Variants in SLC15A1 observed in about 807,000 individuals in gnomAD.
The protein encoded by SLC15A1 is solute carrier family 15 member 1.
A neutral mutation model predicts 92.9 loss-of-function variants in SLC15A1; 83 were observed. The observed-to-expected ratio is 0.89, with a 90% CI of 0.75 to 1.07. The LOEUF (loss-of-function observed/expected upper bound fraction) is 1.07. Ranked by LOEUF, SLC15A1 falls within the 50% of genes least tolerant of loss-of-function variation. SLC15A1 has a pLI of 0.00. For synonymous variants in SLC15A1, 322 were observed against 318.2 expected, an observed-to-expected ratio of 1.01 and a Z score of -0.13; for missense variants, 857 against 880.1, an observed-to-expected ratio of 0.97 and a Z score of 0.33.
At chr13:98,728,889 G>A (rs1438813520) in intron 1 of SLC15A1, among the ~76,000 whole-genome samples, 2 of 145,046 alleles carry the variant, frequency 1.4e-5, no homozygotes, top group Non-Finnish European at 3.0e-5. Context: ...GCTGAGGCAG[G>A]AGAATTGCTA....
chr13:98,701,931 T>G (rs546367903), intron 18 of SLC15A1, among the ~76,000 whole-genome samples: 4 of 152,196 alleles, frequency 2.6e-5, no homozygotes, highest in African/African-American at 9.6e-5. Context: ...TGCCTCAGTC[T>G]CCCAAAGTGC....
In SLC15A1 at chr13:98,712,008, C is replaced by T. The variant is rs2088167594; in HGVS notation, c.811-65G>A. 3 of 1,202,294 alleles carry T rather than the reference C, an allele frequency of 2.5e-6. No homozygotes were observed. In the East Asian group the frequency reaches 7.0e-5, roughly 28 times the overall value. The allele number at this position is 1,202,294 out of a possible 1,614,324, so 74.5% of individuals were successfully genotyped here. ...TGTGTCCTGTGCCACTCACGGCTTACAGGTGCTGCTGATTTCAGTGGAGAC... is the reference window on the plus strand; with the variant it reads ...TGTGTCCTGTGCCACTCACGGCTTATAGGTGCTGCTGATTTCAGTGGAGAC... On this transcript the variant is annotated intron_variant, in intron 10 of 22. Coordinates refer to ENST00000376503, the MANE Select transcript of SLC15A1 (RefSeq NM_005073.4).
chr13:98,727,150 G>A (rs1174284144), intron 1 of SLC15A1, among the ~76,000 whole-genome samples: 3 of 152,166 alleles, frequency 2.0e-5, no homozygotes, highest in Admixed American at 2.0e-4. Flanking sequence ...ACACTTCAAA[G>A]GCCGCCCATC....
At chr13:98,725,751 G>A (rs534346664) in intron 4 of SLC15A1, among the ~76,000 whole-genome samples, 1 of 152,258 alleles carries the variant, frequency 6.6e-6, no homozygotes, top group African/African-American at 2.4e-5. Context: ...TTGAGACAGG[G>A]TCTTGTTCTG....
chr13:98,702,042 C>G (rs2088072154), intron 18 of SLC15A1, among the ~76,000 whole-genome samples: 1 of 152,082 alleles, frequency 6.6e-6, no homozygotes, highest in Non-Finnish European at 1.5e-5. Flanking sequence ...TGTGTCTTTG[C>G]TCTTGCAACC....
chr13:98,739,898 T>A lies in SLC15A1; in HGVS notation c.4+12697A>T, dbSNP rs1331313462. Among the ~76,000 whole-genome samples, 3 of 126,410 alleles carry A rather than the reference T, an allele frequency of 2.4e-5. No individual in the cohort carries two copies. In the East Asian group the frequency reaches 6.6e-4, roughly 28 times the overall value. The allele number at this position is 126,410 out of a possible 152,430, so 82.9% of individuals were successfully genotyped here. A position where few individuals can be genotyped will look rare whatever the true frequency, so the allele number is the denominator to read the frequency against. On this transcript the variant is annotated intron_variant, in intron 1 of 22. Transcript: ENST00000376503. ...ATTCTTAATTGAGTATGGATGGACA[T>A]TTAGAATGGACTGACTTAAAATACG...
intron 1 of SLC15A1, among the ~76,000 whole-genome samples, chr13:98,729,113 G>C (rs994653205): frequency 6.7e-6 from 1 of 149,916 alleles, no homozygotes; most frequent in African/African-American, 2.5e-5. Context: ...CAAATACCCA[G>C]ATTTGATATT....
chr13:98,726,024 G>A lies in SLC15A1; in HGVS notation c.245+99C>T. The A allele has an allele frequency of 2.8e-6, 4 of 1,454,500 alleles. No homozygotes were observed. The South Asian group carries it at 5.3e-5, about 19-fold the overall frequency. 90.1% of individuals were successfully genotyped at this position (1,454,500 alleles called of 1,614,324 possible). A position where few individuals can be genotyped will look rare whatever the true frequency, so the allele number is the denominator to read the frequency against. On this transcript the variant is annotated intron_variant, in intron 4 of 22. Coordinates refer to ENST00000376503, the MANE Select transcript of SLC15A1 (RefSeq NM_005073.4). ...CACCTGGCCTCTCCTAAGAGTTTCTGTTCTTTGATTCATCATTCCCAGATT... is the reference window on the plus strand; with the variant it reads ...CACCTGGCCTCTCCTAAGAGTTTCTATTCTTTGATTCATCATTCCCAGATT...
chr13:98,743,008 A>G (rs1464753238), intron 1 of SLC15A1, among the ~76,000 whole-genome samples: 1 of 152,116 alleles, frequency 6.6e-6, no homozygotes, highest in African/African-American at 2.4e-5. Flanking sequence ...TTCTTGTCTC[A>G]AGTGATCCTC....
At chr13:98,696,434 A>G (rs79581739) in intron 18 of SLC15A1, among the ~76,000 whole-genome samples, 1 of 145,722 alleles carries the variant, frequency 6.9e-6, no homozygotes, top group Non-Finnish European at 1.5e-5. Context: ...ACAACAACAA[A>G]AAAAAACCCA....
chr13:98,706,021 A>C, intron 16 of SLC15A1, 113 bp downstream of exon 16: 1 of 1,104,364 alleles, frequency 9.1e-7, no homozygotes, highest in South Asian at 1.6e-5. Context: ...TCCTTAGTTC[A>C]CTTCTGGGCT....
chr13:98,742,921 G>C (rs189068743), intron 1 of SLC15A1, among the ~76,000 whole-genome samples: 1 of 152,148 alleles, frequency 6.6e-6, no homozygotes, highest in Non-Finnish European at 1.5e-5. Context: ...GACCACAGGC[G>C]TGTGCAGCCA....
chr13:98,720,531 C>T (rs898022323), intron 7 of SLC15A1: 2 of 153,090 alleles, frequency 1.3e-5, no homozygotes, highest in African/African-American at 4.8e-5. Context: ...TACATAAATC[C>T]CCCTGAAATC....
At chr13:98,691,308 G>T (rs576326185) in intron 18 of SLC15A1, among the ~76,000 whole-genome samples, 1 of 152,260 alleles carries the variant, frequency 6.6e-6, no homozygotes, top group East Asian at 1.9e-4. Flanking sequence ...AAAAGTGTTG[G>T]GATTACAGGC....
chr13:98,697,975 A>G (rs1278972242), intron 18 of SLC15A1, among the ~76,000 whole-genome samples: 4 of 152,194 alleles, frequency 2.6e-5, no homozygotes, highest in African/African-American at 9.7e-5. Flanking sequence ...CCAGAATAAT[A>G]GTATAATTAG....
At chr13:98,721,628 C>A (rs1428157857) in intron 6 of SLC15A1, 43 bp from the exon 7 acceptor site, 3 of 1,413,910 alleles carry the variant, frequency 2.1e-6, no homozygotes, top group Middle Eastern at 3.6e-4. Flanking sequence ...GGCTATCAAT[C>A]CACTGAGCAC....
At chr13:98,747,960 G>A (rs2088508428) in intron 1 of SLC15A1, among the ~76,000 whole-genome samples, 1 of 152,176 alleles carries the variant, frequency 6.6e-6, no homozygotes. Flanking sequence ...TAAGAGACGT[G>A]AAAGACCATG....
intron 15 of SLC15A1, among the ~76,000 whole-genome samples, chr13:98,707,935 G>T (rs1593989681): frequency 7.6e-6 from 1 of 131,838 alleles, no homozygotes; most frequent in African/African-American, 3.4e-5. Context: ...TACGGTAAAT[G>T]TTATGTTATA....
rs1203466969 is a variant in SLC15A1 at position 98,721,822 on chromosome 13, A to C, written c.447T>G (p.Asp149Glu). ...IKPCVSAFGG[D>E]QFEEGQEKQR... The stretch of plus-strand genomic sequence containing the variant: ...CCCTTACCTGGCCCTCTTCAAACTG[A>C]TCTCCACCAAACGCAGACACACAGG... The change falls in exon 6 of 23, where the codon GAT becomes GAG. Residue 149 changes from aspartate (D) to glutamate (E), a missense_variant. Physicochemically the swap from Asp to Glu is conservative, Grantham distance 45. Transcript: ENST00000376503. 6.2e-7 allele frequency: 1 copy of C among 1,614,022 alleles called. No individual in the cohort carries two copies. The highest frequency in any genetic ancestry group is 1.7e-5 in the Admixed American group (1 of 60,002).
Sources: gnomAD v4.1 joint callset for allele counts (sites outside exome capture counted in the v4.1 genomes callset) on GRCh38, gnomAD v4.1.1 for gene constraint, MANE v1.5 for transcripts, NCBI Gene and HGNC (gene_info 2026-07-23, HGNC 2026-07-21) for gene names.